Variants in SECISBP2 observed in about 807,000 individuals in gnomAD.
SECISBP2 encodes selenocysteine insertion sequence-binding protein 2.
In SECISBP2, 96 loss-of-function variants were observed where a neutral mutation model predicts 98.2. The observed-to-expected ratio is 0.98, with a 90% confidence interval of 0.83 to 1.16. SECISBP2 has a LOEUF of 1.16. SECISBP2 is among the 50% of genes most tolerant of loss of function. The probability of loss-of-function intolerance (pLI) is 0.00; values close to 1 mark genes in which losing one functional copy is unlikely to be tolerated. For synonymous variants in SECISBP2, 407 were observed against 370.2 expected (o/e 1.10, Z -1.14); for missense variants, 1,046 against 1,022.9 (o/e 1.02, Z -0.31).
intron 7 of SECISBP2, among the ~76,000 whole-genome samples, chr9:89,336,098 T>TTTTTTTTTC (rs1828648996): frequency 1.4e-5 from 2 of 138,616 alleles, no homozygotes; most frequent in Non-Finnish European, 3.1e-5. Flanking sequence ...TTTTTTTTTT[T>TTTTTTTTTC]TTTTTTTTTT....
intron 2 of SECISBP2, 50 bp downstream of exon 2, chr9:89,319,847 A>T (rs200624154): frequency 1.3e-6 from 2 of 1,589,738 alleles, no homozygotes; most frequent in Admixed American, 1.7e-5. Flanking sequence ...TTTGGATTTA[A>T]TGGTGATTAG....
At chr9:89,327,474 A>G (rs1264373618) in intron 4 of SECISBP2, among the ~76,000 whole-genome samples, 5 of 152,218 alleles carry the variant, frequency 3.3e-5, no homozygotes, top group Admixed American at 6.5e-5. Context: ...AAACACAAAC[A>G]TGCAGAAAAA....
intron 12 of SECISBP2, 129 bp from the exon 13 acceptor site, chr9:89,349,647 C>T (rs1476036346): frequency 1.0e-6 from 1 of 992,274 alleles, no homozygotes; most frequent in East Asian, 2.5e-5. Flanking sequence ...AACCTCTCTG[C>T]ATGTTGTCTG....
intron 14 of SECISBP2, 128 bp downstream of exon 14, chr9:89,350,980 G>T: frequency 2.5e-6 from 2 of 796,292 alleles, no homozygotes; most frequent in Middle Eastern, 2.8e-4. Context: ...TGTGGTTTTT[G>T]TTTTTATTGA....
Position 89,338,647 on chromosome 9 carries a change from G to T in SECISBP2, c.1212+67G>T, listed in dbSNP as rs1434217119. 2.7e-6 allele frequency: 4 copies of T among 1,504,332 alleles called. No homozygotes were observed. The East Asian group carries it at 9.1e-5, about 34-fold the overall frequency. The allele number at this position is 1,504,332 out of a possible 1,614,324, so 93.2% of individuals were successfully genotyped here. A position where few individuals can be genotyped will look rare whatever the true frequency, so the allele number is the denominator to read the frequency against. On this transcript the variant is annotated intron_variant, in intron 8 of 16. Coordinates refer to ENST00000375807, the MANE Select transcript of SECISBP2 (RefSeq NM_024077.5). ...TGGGTCTTTCTTAAAAGAAACTTGG[G>T]TTCATATTGGTTTCCTAAGTGAAAA...
At chr9:89,323,088 G>A (rs1826085431) in intron 2 of SECISBP2, 1 of 152,194 alleles carries the variant, frequency 6.6e-6, no homozygotes, top group African/African-American at 2.4e-5. Context: ...GTTTTGGTGG[G>A]AAAGATGTTA....
chr9:89,359,837 C>T (rs988678676), downstream of SECISBP2, among the ~76,000 whole-genome samples: 1 of 152,188 alleles, frequency 6.6e-6, no homozygotes, highest in Non-Finnish European at 1.5e-5. Context: ...ACTGCACAGA[C>T]CTGCCGGAGC....
intron 4 of SECISBP2, among the ~76,000 whole-genome samples, chr9:89,327,661 C>T (rs767474647): frequency 6.6e-6 from 1 of 152,180 alleles, no homozygotes; most frequent in Admixed American, 6.5e-5. Context: ...CTGTCTTCCA[C>T]CTCCACATAT....
At chr9:89,362,082 C>T (rs1184854749), downstream of SECISBP2, 49 of 531,346 alleles carry the variant, frequency 9.2e-5, 1 homozygote, top group South Asian at 1.1e-3. Flanking sequence ...TGCACACACC[C>T]TGCTGTTTTA....
At chr9:89,363,697 AATTACCTC>A (rs756131873), downstream of SECISBP2, 1 of 1,598,706 alleles carries the variant, frequency 6.3e-7, no homozygotes, top group Admixed American at 1.7e-5. Context: ...AATAGTGAAA[AATTACCTC>A]ATAAAAGGGT....
rs1829419106 is a variant in SECISBP2 at position 89,340,013 on chromosome 9, T to TA, written c.1302+60_1302+61insA. The stretch of plus-strand genomic sequence containing the variant: ...GCTTAACTCTTCTGGCTCAACTAAA[T>TA]GCTTGAGAAAAACTGCTTTCCAGAC... On this transcript the variant is annotated intron_variant, in intron 9 of 16. Coordinates refer to ENST00000375807, the MANE Select transcript of SECISBP2 (RefSeq NM_024077.5). 3 of 1,256,992 alleles carry TA rather than the reference T, an allele frequency of 2.4e-6. No individual in the cohort carries two copies. In the Admixed American group the frequency reaches 5.1e-5, roughly 21 times the overall value. 77.9% of individuals were successfully genotyped at this position (1,256,992 alleles called of 1,614,324 possible). A position where few individuals can be genotyped will look rare whatever the true frequency, so the allele number is the denominator to read the frequency against.
At chr9:89,328,071 G>A (rs1246220986) in intron 4 of SECISBP2, among the ~76,000 whole-genome samples, 6 of 152,232 alleles carry the variant, frequency 3.9e-5, no homozygotes, top group Non-Finnish European at 8.8e-5. Flanking sequence ...GAAGTGCTGG[G>A]ATTAAGGCGT....
chr9:89,337,067 C>T (rs1206211296), intron 7 of SECISBP2, among the ~76,000 whole-genome samples: 2 of 152,198 alleles, frequency 1.3e-5, no homozygotes, highest in Non-Finnish European at 1.5e-5. Flanking sequence ...TGCCGCTGCA[C>T]CTGGCCCCCC....
In SECISBP2 at chr9:89,346,988, G is replaced by A; in HGVS notation, c.1542G>A (p.Leu514=). 1 of 1,614,210 alleles carries A rather than the reference G, an allele frequency of 6.2e-7. No individual in the cohort carries two copies. Among genetic ancestry groups the A allele is most frequent in the South Asian group, 1.1e-5 (1 of 91,084 alleles). ...PHNPLDSSAP[L]MKKGKQREIP... ...ATCCCTTGGACTCCAGCGCCCCACT[G>A]ATGAAGAAAGGGAAGCAGAGGGAGA... Residue 514 remains leucine (L), a synonymous_variant, in exon 11 of 17, where the codon CTG becomes CTA. Coordinates refer to ENST00000375807, the MANE Select transcript of SECISBP2 (RefSeq NM_024077.5).
In SECISBP2 at chr9:89,319,578, C is replaced by T. The variant is rs1345264880; in HGVS notation, c.37-74C>T. 5.2e-6 allele frequency: 8 copies of T among 1,550,540 alleles called. No homozygotes were observed. In the African/African-American group the frequency reaches 6.8e-5, roughly 13 times the overall value. Reference sequence around the variant, plus strand: ...ATTTCTGGGGCTATTAGGAACACCTCTTGGGTCTTTTTGTTTGTTTATATT... The same window carrying T: ...ATTTCTGGGGCTATTAGGAACACCTTTTGGGTCTTTTTGTTTGTTTATATT... On this transcript the variant is annotated intron_variant, in intron 1 of 16. Transcript: ENST00000375807.
At chr9:89,363,065 C>T (rs1832953069), downstream of SECISBP2, among the ~76,000 whole-genome samples, 1 of 152,214 alleles carries the variant, frequency 6.6e-6, no homozygotes, top group African/African-American at 2.4e-5. Context: ...GAGGGTTCCC[C>T]ATCTGTCCAG....
chr9:89,365,572 A>G, the SECISBP2 span: 1 of 152,228 alleles, frequency 6.6e-6, no homozygotes, highest in East Asian at 1.9e-4. Flanking sequence ...TCAACCTCAC[A>G]ATGACAAAAT....
intron 5 of SECISBP2, chr9:89,329,281 T>A (rs1827331472): frequency 9.3e-6 from 2 of 214,640 alleles, no homozygotes; most frequent in South Asian, 6.5e-5. Flanking sequence ...CTGGCTAATT[T>A]TTTTTTTGTA....
At chr9:89,320,171 A>C (rs1825482613) in intron 2 of SECISBP2, among the ~76,000 whole-genome samples, 1 of 152,086 alleles carries the variant, frequency 6.6e-6, no homozygotes. Flanking sequence ...AGTGTGACCA[A>C]CATGGTGAAA....
Sources: allele counts gnomAD v4.1 joint callset (sites outside exome capture counted in the v4.1 genomes callset), GRCh38; gene constraint gnomAD v4.1.1; transcripts MANE v1.5; gene names NCBI Gene and HGNC (gene_info 2026-07-23, HGNC 2026-07-21).